The following APOBEC1 variants were observed in gnomAD, a reference collection of about 807,000 sequenced individuals.
APOBEC1 encodes apolipoprotein B mRNA editing enzyme catalytic subunit 1.
Under a neutral mutation model 26.3 loss-of-function variants are expected in APOBEC1, and 22 were observed. The ratio of observed to expected loss-of-function variants is 0.84; its 90% CI spans 0.60 to 1.19. APOBEC1 has a LOEUF of 1.19. Among genes scored for constraint, APOBEC1 ranks in the 50% most tolerant of loss-of-function variants. APOBEC1 has a pLI of 0.00. For synonymous variants in APOBEC1, 77 were observed against 95.3 expected (o/e 0.81, Z 1.12); for missense variants, 253 against 289.0 (o/e 0.88, Z 0.90).
intron 1 of APOBEC1, among the ~76,000 whole-genome samples, chr12:7,662,745 G>A (rs1206439630): frequency 6.6e-6 from 1 of 152,134 alleles, no homozygotes; most frequent in Non-Finnish European, 1.5e-5. Context: ...TGTGGACGTC[G>A]GGGAAGGGGA....
At chr12:7,650,135 A>C (rs1300405602) in intron 4 of APOBEC1, among the ~76,000 whole-genome samples, 1 of 152,156 alleles carries the variant, frequency 6.6e-6, no homozygotes, top group Non-Finnish European at 1.5e-5. Flanking sequence ...TTTCAAGAGA[A>C]TCCAATGGAA....
intron 1 of APOBEC1, among the ~76,000 whole-genome samples, chr12:7,660,412 G>T (rs867298284): frequency 9.0e-5 from 11 of 122,004 alleles, no homozygotes; most frequent in African/African-American, 3.1e-4. Flanking sequence ...AAGAAAGAAA[G>T]AGAGGGTATT....
chr12:7,653,221 C>T (rs913276039), intron 2 of APOBEC1, among the ~76,000 whole-genome samples: 2 of 151,950 alleles, frequency 1.3e-5, no homozygotes, highest in Non-Finnish European at 2.9e-5. Context: ...TGAGCCACCA[C>T]GCCCAGCCTC....
At chr12:7,660,060 C>G (rs1863782222) in intron 1 of APOBEC1, among the ~76,000 whole-genome samples, 1 of 151,946 alleles carries the variant, frequency 6.6e-6, no homozygotes, top group Non-Finnish European at 1.5e-5. Context: ...AATCCCAACA[C>G]TTGGGAGGCT....
intron 4 of APOBEC1, 106 bp downstream of exon 4, chr12:7,650,917 C>T: frequency 1.2e-6 from 1 of 802,010 alleles, no homozygotes; most frequent in Non-Finnish European, 2.1e-6. Flanking sequence ...AACTAAATCT[C>T]AATATAAATG....
chr12:7,654,983 T>A (rs1269359406), intron 1 of APOBEC1, among the ~76,000 whole-genome samples: 3 of 150,458 alleles, frequency 2.0e-5, no homozygotes, highest in African/African-American at 7.4e-5. Flanking sequence ...CCGAGGCAGG[T>A]GGTTCACCTG....
intron 1 of APOBEC1, among the ~76,000 whole-genome samples, chr12:7,659,049 C>A (rs1257853269): frequency 1.3e-5 from 2 of 149,154 alleles, no homozygotes; most frequent in Non-Finnish European, 3.0e-5. Flanking sequence ...AATCCCAGCA[C>A]TTTGGGAGGC....
At chr12:7,656,980 G>C (rs1863723407) in intron 1 of APOBEC1, among the ~76,000 whole-genome samples, 1 of 151,888 alleles carries the variant, frequency 6.6e-6, no homozygotes, top group South Asian at 2.1e-4. Context: ...CCATGCATAT[G>C]CTTATGGATT....
upstream of APOBEC1, among the ~76,000 whole-genome samples, chr12:7,668,427 A>G (rs1592065801): frequency 6.6e-6 from 1 of 152,352 alleles, no homozygotes; most frequent in East Asian, 1.9e-4. Flanking sequence ...GCTCCCAGGA[A>G]GTAAACATGC....
Position 7,662,446 on chromosome 12 carries a change from G to A in APOBEC1, c.16+3411C>T, listed in dbSNP as rs147682589. 3.2e-3 allele frequency among the ~76,000 whole-genome samples: 485 copies of A among 152,190 alleles called. 5 individuals carry two copies. The highest frequency in any genetic ancestry group is 0.01 in the African/African-American group (419 of 41,522). On this transcript the variant is annotated intron_variant, in intron 1 of 4. Coordinates refer to ENST00000229304, the MANE Select transcript of APOBEC1 (RefSeq NM_001644.5). Reference sequence around the variant, plus strand: ...AAAAATACAAAAATTAGCCGGGCATGTTGGCACGTGCCTGTAATCCCAGCT... The same window carrying A: ...AAAAATACAAAAATTAGCCGGGCATATTGGCACGTGCCTGTAATCCCAGCT...
intron 1 of APOBEC1, among the ~76,000 whole-genome samples, chr12:7,665,611 T>G (rs1281115633): frequency 6.6e-6 from 1 of 152,100 alleles, no homozygotes; most frequent in Non-Finnish European, 1.5e-5. Context: ...TAATTTTTTA[T>G]CATGGTGAAA....
upstream of APOBEC1, among the ~76,000 whole-genome samples, chr12:7,667,312 CCT>C (rs1863905327): frequency 2.0e-5 from 3 of 152,242 alleles, no homozygotes; most frequent in African/African-American, 2.4e-5. Flanking sequence ...GCCAAAAATT[CCT>C]CTGAGTCTCA....
chr12:7,666,773 T>C (rs1863898086), upstream of APOBEC1, among the ~76,000 whole-genome samples: 1 of 152,120 alleles, frequency 6.6e-6, no homozygotes, highest in South Asian at 2.1e-4. Flanking sequence ...CCTACATCCG[T>C]GTTGGAGAGG....
upstream of APOBEC1, among the ~76,000 whole-genome samples, chr12:7,667,959 T>C (rs1243074048): frequency 6.7e-6 from 1 of 148,624 alleles, no homozygotes; most frequent in African/African-American, 2.5e-5. Flanking sequence ...CCATCAACGA[T>C]ATCCATGTCC....
intron 1 of APOBEC1, among the ~76,000 whole-genome samples, chr12:7,658,602 C>G (rs548238227): frequency 6.6e-5 from 10 of 152,070 alleles, no homozygotes; most frequent in Admixed American, 6.6e-4. Flanking sequence ...GTAAGAGGCT[C>G]ATGACAATAA....
intron 4 of APOBEC1, 24 bp downstream of exon 4, chr12:7,650,999 A>G: frequency 6.6e-7 from 1 of 1,523,816 alleles, no homozygotes; most frequent in Non-Finnish European, 9.0e-7. Context: ...TTGCATCAAC[A>G]TTTGTGTCCC....
rs60124402 is a variant in APOBEC1 at position 7,665,752 on chromosome 12, G to GACACACACACAC, written c.16+93_16+104dup. ...CACCCACAGATGCAAGAATCAGCAG[G>GACACACACACAC]ACACACACACACACACACACACACA... On this transcript the variant is annotated intron_variant, in intron 1 of 4. Coordinates refer to ENST00000229304, the MANE Select transcript of APOBEC1 (RefSeq NM_001644.5). 5.9e-3 allele frequency: 4,562 copies of GACACACACACAC among 775,018 alleles called. 81 individuals are homozygous for GACACACACACAC. The highest frequency in any genetic ancestry group is 7.9e-3 in the African/African-American group (394 of 49,888). 48.0% of individuals were successfully genotyped at this position (775,018 alleles called of 1,614,324 possible). A position where few individuals can be genotyped will look rare whatever the true frequency, so the allele number is the denominator to read the frequency against.
At chr12:7,669,294 T>G (rs1032758362), upstream of APOBEC1, among the ~76,000 whole-genome samples, 2 of 152,096 alleles carry the variant, frequency 1.3e-5, no homozygotes, top group East Asian at 3.9e-4. Flanking sequence ...TCAGCTTTTC[T>G]GTAAAATCGG....
upstream of APOBEC1, among the ~76,000 whole-genome samples, chr12:7,669,357 AT>A (rs1863928928): frequency 6.6e-6 from 1 of 152,104 alleles, no homozygotes; most frequent in Non-Finnish European, 1.5e-5. Flanking sequence ...ATAGTATTCC[AT>A]TGCATAGGTA....
Sources: gnomAD v4.1 joint callset for allele counts (sites outside exome capture counted in the v4.1 genomes callset) on GRCh38, gnomAD v4.1.1 for gene constraint, MANE v1.5 for transcripts, NCBI Gene and HGNC (gene_info 2026-07-23, HGNC 2026-07-21) for gene names.